Variants in FAT3 observed in about 807,000 individuals in gnomAD.
FAT3 encodes the protein FAT atypical cadherin 3.
FAT3 carries 95 observed loss-of-function variants against 310.2 expected under a neutral mutation model. That is an observed-to-expected ratio of 0.31 (90% confidence interval 0.26 to 0.36). The LOEUF is 0.36. Ranked by LOEUF, FAT3 falls within the 10% of genes least tolerant of loss-of-function variation. FAT3 has a pLI of 1.00. For missense variants in FAT3, 5,408 were observed against 5,715.6 expected (o/e 0.95, Z 1.74); for synonymous variants, 2,314 against 2,192.9 (o/e 1.06, Z -1.54).
chr11:92,821,597 C>T (rs1203209888), intron 13 of FAT3, among the ~76,000 whole-genome samples: 2 of 152,140 alleles, frequency 1.3e-5, no homozygotes, highest in African/African-American at 4.8e-5. Context: ...GTGGTCAAAG[C>T]CTTTTGTCTG....
At chr11:92,267,465 C>T (rs1945998298) in intron 1 of FAT3, among the ~76,000 whole-genome samples, 1 of 151,868 alleles carries the variant, frequency 6.6e-6, no homozygotes, top group African/African-American at 2.4e-5. Context: ...TCCTTAGGAA[C>T]CTGGAAAGAG....
chr11:92,805,112 A>G, intron 10 of FAT3, 41 bp from the exon 11 acceptor site: 1 of 1,588,862 alleles, frequency 6.3e-7, no homozygotes, highest in African/African-American at 1.3e-5. Flanking sequence ...AAGACATTTC[A>G]TTGCACATCT....
chr11:92,266,526 A>G (rs1945956815), intron 1 of FAT3, among the ~76,000 whole-genome samples: 1 of 152,134 alleles, frequency 6.6e-6, no homozygotes, highest in South Asian at 2.1e-4. Flanking sequence ...CATTCCTTTT[A>G]TTAATTCTAG....
chr11:92,430,543 G>A (rs956982858), intron 2 of FAT3, among the ~76,000 whole-genome samples: 4 of 151,750 alleles, frequency 2.6e-5, no homozygotes, highest in Non-Finnish European at 5.9e-5. Context: ...AAGTTTTAGG[G>A]TACATGTGTA....
chr11:92,891,389 T>G lies in FAT3; in HGVS notation c.*276T>G, dbSNP rs988067469. On this transcript the variant is annotated 3_prime_UTR_variant, in exon 28 of 28. Transcript: ENST00000525166. Reference sequence around the variant, plus strand: ...AAAAATGCAAAGAGGGAAAAATTATTTCACCCACTAAGTTATACAGCCAGT... The same window carrying G: ...AAAAATGCAAAGAGGGAAAAATTATGTCACCCACTAAGTTATACAGCCAGT... 6.4e-6 allele frequency: 3 copies of G among 471,030 alleles called. No individual in the cohort carries two copies. Among genetic ancestry groups the G allele is most frequent in the Non-Finnish European group, 1.2e-5 (3 of 257,734 alleles). The allele number at this position is 471,030 out of a possible 1,614,324, so 29.2% of individuals were successfully genotyped here.
At chr11:92,574,487 T>G (rs549097968) in intron 3 of FAT3, among the ~76,000 whole-genome samples, 7 of 152,264 alleles carry the variant, frequency 4.6e-5, no homozygotes, top group Admixed American at 1.3e-4. Context: ...CTTGCAGGAC[T>G]TCCATTTCTT....
intron 12 of FAT3, among the ~76,000 whole-genome samples, chr11:92,806,864 A>G (rs1947520245): frequency 6.6e-6 from 1 of 152,176 alleles, no homozygotes; most frequent in Non-Finnish European, 1.5e-5. Flanking sequence ...GGGGAAATGA[A>G]TAATCTGGAG....
chr11:92,318,421 A>G (rs1210223245), intron 1 of FAT3, among the ~76,000 whole-genome samples: 2 of 152,202 alleles, frequency 1.3e-5, no homozygotes, highest in Admixed American at 6.5e-5. Flanking sequence ...TTGAAAATAA[A>G]TGATACTCAG....
Position 92,467,352 on chromosome 11 carries a change from G to GT in FAT3, c.3293-57276dup, listed in dbSNP as rs1201031038. Among the ~76,000 whole-genome samples, 4 of 152,040 alleles carry GT rather than the reference G, an allele frequency of 2.6e-5. No homozygotes were observed. The South Asian group carries it at 8.3e-4, about 32-fold the overall frequency. ...AGTGATGGTGAGCATTTTTTCATGT[G>GT]TTTTTTGGCTGCATAAATATCTTTT... On this transcript the variant is annotated intron_variant, in intron 2 of 27. Coordinates refer to ENST00000525166, the MANE Select transcript of FAT3 (RefSeq NM_001367949.2).
chr11:92,433,697 C>T (rs565889346), intron 2 of FAT3, among the ~76,000 whole-genome samples: 2 of 152,120 alleles, frequency 1.3e-5, no homozygotes, highest in African/African-American at 4.8e-5. Flanking sequence ...GCCCAGGAAT[C>T]GAAAAGCCAC....
intron 2 of FAT3, among the ~76,000 whole-genome samples, chr11:92,429,116 C>A (rs1436560386): frequency 1.3e-5 from 2 of 152,090 alleles, no homozygotes; most frequent in Non-Finnish European, 2.9e-5. Flanking sequence ...TGCATTGATC[C>A]CTTTACCATT....
intron 9 of FAT3, 128 bp from the exon 10 acceptor site, chr11:92,797,708 C>T: frequency 1.3e-6 from 1 of 767,984 alleles, no homozygotes; most frequent in Non-Finnish European, 2.1e-6. Context: ...TTCAGAATGA[C>T]ACAGATGAGT....
chr11:92,292,708 C>T (rs1287968785), intron 1 of FAT3, among the ~76,000 whole-genome samples: 1 of 152,036 alleles, frequency 6.6e-6, no homozygotes, highest in Admixed American at 6.6e-5. Context: ...AGAGGATTGA[C>T]ATTTATTGAG....
chr11:92,472,862 A>C (rs1004428697), intron 2 of FAT3, among the ~76,000 whole-genome samples: 3 of 152,134 alleles, frequency 2.0e-5, no homozygotes, highest in Non-Finnish European at 2.9e-5. Context: ...GAGGCCTTTT[A>C]TGATCTAAGC....
rs1029175846 is a variant in FAT3, at chr11:92,687,199, G to T, written c.3608-10185G>T. Among the ~76,000 whole-genome samples the T allele has an allele frequency of 2.6e-5, 4 of 152,158 alleles. No individual in the cohort carries two copies. The East Asian group carries it at 7.7e-4, about 29-fold the overall frequency. ...AAACAGCATCTGAGTACAAGCCACT[G>T]TGCCAAGCACCTCAGCTTTATTGTT... On this transcript the variant is annotated intron_variant, in intron 3 of 27. Transcript: ENST00000525166.
chr11:92,451,677 T>G (rs1465270204), intron 2 of FAT3, among the ~76,000 whole-genome samples: 1 of 152,194 alleles, frequency 6.6e-6, no homozygotes, highest in Non-Finnish European at 1.5e-5. Flanking sequence ...CCTTTATTTA[T>G]TTTTGGTAGC....
intron 4 of FAT3, among the ~76,000 whole-genome samples, chr11:92,723,184 C>T (rs1297952859): frequency 2.6e-5 from 4 of 152,164 alleles, no homozygotes; most frequent in Admixed American, 2.6e-4. Context: ...GCATCCAAGT[C>T]ACCTCTTGAA....
chr11:92,652,121 C>T (rs1402822351), intron 3 of FAT3, among the ~76,000 whole-genome samples: 4 of 152,092 alleles, frequency 2.6e-5, no homozygotes, highest in Non-Finnish European at 5.9e-5. Context: ...CTTTTATATA[C>T]ATATTGAAAC....
chr11:92,487,027 CT>C (rs1287624349), intron 2 of FAT3, among the ~76,000 whole-genome samples: 1 of 152,146 alleles, frequency 6.6e-6, no homozygotes, highest in Admixed American at 6.5e-5. Flanking sequence ...GGGTCATTGT[CT>C]TTTTGCAGAA....
Sources: gnomAD v4.1 joint callset for allele counts (sites outside exome capture counted in the v4.1 genomes callset) on GRCh38, gnomAD v4.1.1 for gene constraint, MANE v1.5 for transcripts, NCBI Gene and HGNC (gene_info 2026-07-23, HGNC 2026-07-21) for gene names.